Variants in RIPK4 observed in about 807,000 individuals in gnomAD.
RIPK4 encodes receptor-interacting serine/threonine-protein kinase 4.
Under a neutral mutation model 42.9 loss-of-function variants are expected in RIPK4, and 17 were observed. The ratio of observed to expected loss-of-function variants is 0.40; its 90% CI spans 0.27 to 0.59. The LOEUF (loss-of-function observed/expected upper bound fraction) is 0.59, where lower values mean the gene tolerates loss of function less well. Ranked by LOEUF, RIPK4 falls within the 20% of genes least tolerant of loss-of-function variation. The pLI, the probability that RIPK4 is intolerant of heterozygous loss-of-function variation, is 0.47. For synonymous variants in RIPK4, 498 were observed against 499.1 expected (o/e 1.00, Z 0.03); for missense variants, 897 against 1,104.4 (o/e 0.81, Z 2.66).
chr21:41,750,144 C>T (rs2061184319), intron 3 of RIPK4, among the ~76,000 whole-genome samples: 1 of 152,212 alleles, frequency 6.6e-6, no homozygotes, highest in Non-Finnish European at 1.5e-5. Flanking sequence ...CCCAGCTAAG[C>T]ACATGCACAA....
chr21:41,758,509 C>G (rs2061211787), intron 1 of RIPK4, among the ~76,000 whole-genome samples: 1 of 152,202 alleles, frequency 6.6e-6, no homozygotes, highest in African/African-American at 2.4e-5. Flanking sequence ...TGCTGCACAT[C>G]TGCACACATT....
In RIPK4 at chr21:41,751,192, G is replaced by A; in HGVS notation, c.528C>T (p.Leu176=). The A allele has an allele frequency of 1.2e-6, 2 of 1,614,268 alleles. No homozygotes were observed. Among genetic ancestry groups the A allele is most frequent in the Non-Finnish European group, 1.7e-6 (2 of 1,180,044 alleles). The change falls in exon 3 of 8, where the codon CTC becomes CTT. Residue 176 remains leucine (L), a synonymous_variant. Coordinates refer to ENST00000332512, the MANE Select transcript of RIPK4 (RefSeq NM_020639.3). This position sits in a 1 kb window ranked among gnomAD's most constrained non-coding sequence, Gnocchi z 4.5. ...TTGTGCCAAACAGGCCATCCATGCT[G>A]AGGTCATGCGAGTGGGACAGCCCGT... ...KCNGLSHSHD[L]SMDGLFGTIA... is the part of the protein sequence containing the mutation.
chr21:41,762,414 C>A (rs2061223384), intron 1 of RIPK4, among the ~76,000 whole-genome samples: 1 of 152,208 alleles, frequency 6.6e-6, no homozygotes, highest in South Asian at 2.1e-4. Flanking sequence ...CATCCAGTAA[C>A]CACTGGGCCA....
intron 5 of RIPK4, 72 bp from the exon 6 acceptor site, chr21:41,745,934 A>G (rs2146048334): frequency 8.2e-7 from 1 of 1,222,772 alleles, no homozygotes; most frequent in Non-Finnish European, 1.2e-6. Context: ...ATATAAACGC[A>G]GGGCCCCCAC....
chr21:41,749,333 A>T, intron 3 of RIPK4, 130 bp from the exon 4 acceptor site: 1 of 837,846 alleles, frequency 1.2e-6, no homozygotes, highest in Non-Finnish European at 1.9e-6. Context: ...ACACCGAGAT[A>T]TTTCTCCTGT....
rs1026957947 is a variant in RIPK4 at position 41,760,632 on chromosome 21, C to A, written c.183-3816G>T. ...AGCACACACACTCTGTTGGAAGAAT[C>A]TGCAGGATGGGTCCATTGACTGCAT... is the stretch of plus-strand genomic sequence containing the variant. On this transcript the variant is annotated intron_variant, in intron 1 of 7. Transcript: ENST00000332512. 2.0e-5 allele frequency among the ~76,000 whole-genome samples: 3 copies of A among 152,332 alleles called. No homozygotes were observed. In the East Asian group the frequency reaches 5.8e-4, roughly 29 times the overall value.
chr21:41,765,668 C>G (rs965084742), intron 1 of RIPK4, among the ~76,000 whole-genome samples: 1 of 152,220 alleles, frequency 6.6e-6, no homozygotes, highest in Non-Finnish European at 1.5e-5. Flanking sequence ...ATCAGCCGAG[C>G]ATTCGAAACC....
At position 41,742,845 on chromosome 21, in the gene RIPK4, G is replaced by A. The variant is rs146497425; in HGVS notation, c.1196-848C>T. 1.1e-4 allele frequency among the ~76,000 whole-genome samples: 16 copies of A among 152,240 alleles called. No homozygotes were observed. The highest frequency in any genetic ancestry group is 1.9e-4 in the Non-Finnish European group (13 of 68,014). ...AGACCCAAAGAGAATGTTCTAGAAC[G>A]TACTTATCCATGGGAGATGGTGGTA... On this transcript the variant is annotated intron_variant, in intron 7 of 7. Coordinates refer to ENST00000332512, the MANE Select transcript of RIPK4 (RefSeq NM_020639.3). The surrounding 1 kb of genome is among the most constrained non-coding windows in gnomAD (Gnocchi z 5.1).
chr21:41,746,877 C>T lies in RIPK4; in HGVS notation c.674-106G>A, dbSNP rs761278858. The T allele has an allele frequency of 1.5e-5, 19 of 1,285,594 alleles. No individual in the cohort carries two copies. In the African/African-American group the frequency reaches 2.7e-4, roughly 18 times the overall value. The allele number at this position is 1,285,594 out of a possible 1,614,324, so 79.6% of individuals were successfully genotyped here. ...GCCGGGGGCCACAATGGGGCCATCCCCACACCACCCCAGGGAGACGGCTCC... is the reference window on the plus strand; with the variant it reads ...GCCGGGGGCCACAATGGGGCCATCCTCACACCACCCCAGGGAGACGGCTCC... On this transcript the variant is annotated intron_variant, in intron 4 of 7. Transcript: ENST00000332512.
At chr21:41,743,516 C>T (rs1295014721) in intron 7 of RIPK4, among the ~76,000 whole-genome samples, 4 of 152,158 alleles carry the variant, frequency 2.6e-5, no homozygotes, top group Non-Finnish European at 5.9e-5. Context: ...GCAGAGGGTG[C>T]GGGACTGCCA....
chr21:41,744,641 T>C (rs73903700), intron 6 of RIPK4, among the ~76,000 whole-genome samples: 5,595 of 152,166 alleles, frequency 0.037, 341 homozygotes, highest in African/African-American at 0.12. Flanking sequence ...AGCTGCAGAA[T>C]GTGAGGCATG....
intron 1 of RIPK4, among the ~76,000 whole-genome samples, chr21:41,760,413 T>C (rs2061217203): frequency 6.6e-6 from 1 of 152,150 alleles, no homozygotes; most frequent in Non-Finnish European, 1.5e-5. Context: ...CTAAGCCTCT[T>C]GAAAGGAAGG....
chr21:41,760,767 G>T (rs1353468676), intron 1 of RIPK4, among the ~76,000 whole-genome samples: 1 of 152,162 alleles, frequency 6.6e-6, no homozygotes, highest in Non-Finnish European at 1.5e-5. Context: ...GGGGGTGTGG[G>T]GGGTGGGCAG....
At chr21:41,749,320 A>C in intron 3 of RIPK4, 117 bp from the exon 4 acceptor site, 1 of 942,542 alleles carries the variant, frequency 1.1e-6, no homozygotes, top group Admixed American at 1.9e-5. Context: ...AGACAGAGCC[A>C]TGACACCGAG....
intron 4 of RIPK4, 114 bp from the exon 5 acceptor site, chr21:41,746,885 C>T (rs989029560): frequency 8.2e-7 from 1 of 1,221,612 alleles, no homozygotes; most frequent in African/African-American, 1.5e-5. Flanking sequence ...CCCCACACCA[C>T]CCCAGGGAGA....
chr21:41,741,362 C>T lies in RIPK4; in HGVS notation c.1831G>A (p.Ala611Thr). The change falls in exon 8 of 8, where the codon GCC (alanine) becomes ACC (threonine). Residue 611 changes from alanine (A) to threonine (T), a missense_variant. By Grantham distance (58) the Ala-to-Thr change is moderately conservative. Transcript: ENST00000332512. ...TLDGRTPLHL[A>T]AQRGHYRVAR... Reference sequence around the variant, plus strand: ...ACGCGGTAGTGCCCGCGCTGTGCGGCCAGGTGCAATGGCGTCCTCCCATCC... The same window carrying T: ...ACGCGGTAGTGCCCGCGCTGTGCGGTCAGGTGCAATGGCGTCCTCCCATCC... 1.2e-6 allele frequency: 2 copies of T among 1,611,870 alleles called. No individual in the cohort carries two copies.
chr21:41,754,238 C>T (rs555946042), intron 2 of RIPK4, among the ~76,000 whole-genome samples: 146 of 152,338 alleles, frequency 9.6e-4, no homozygotes, highest in African/African-American at 3.2e-3. Context: ...GGAACAAAGG[C>T]GCTGACTCTC....
At chr21:41,764,570 T>C (rs1375930852) in intron 1 of RIPK4, among the ~76,000 whole-genome samples, 3 of 151,348 alleles carry the variant, frequency 2.0e-5, no homozygotes, top group African/African-American at 7.3e-5. Flanking sequence ...ATCTTGCAAA[T>C]ATGAGGGGCT....
chr21:41,749,906 AAAAG>A (rs2061183544), intron 3 of RIPK4, among the ~76,000 whole-genome samples: 1 of 150,678 alleles, frequency 6.6e-6, no homozygotes, highest in African/African-American at 2.5e-5. Context: ...AAAAAAAAAA[AAAAG>A]AAAAGAAAAA....
Sources: allele counts gnomAD v4.1 joint callset (sites outside exome capture counted in the v4.1 genomes callset), GRCh38; gene constraint gnomAD v4.1.1; non-coding constraint Gnocchi (gnomAD v3.1); transcripts MANE v1.5; gene names NCBI Gene and HGNC (gene_info 2026-07-23, HGNC 2026-07-21).